MTOR: variants seen among roughly 807,000 people sequenced by gnomAD.
The protein encoded by MTOR is mechanistic target of rapamycin kinase.
In MTOR, 70 loss-of-function variants were observed where a neutral mutation model predicts 319.8. That is an observed-to-expected ratio of 0.22 (90% confidence interval 0.18 to 0.27). The LOEUF is 0.27. MTOR is among the 10% of genes least tolerant of loss of function. The probability of loss-of-function intolerance (pLI) is 1.00; values close to 1 mark genes in which losing one functional copy is unlikely to be tolerated. For missense variants in MTOR, 1,890 were observed against 3,274.4 expected (o/e 0.58, Z 10.32); for synonymous variants, 1,183 against 1,211.4 (o/e 0.98, Z 0.49).
chr1:11,170,312 T>A (rs568169362), intron 28 of MTOR, among the ~76,000 whole-genome samples: 1 of 152,198 alleles, frequency 6.6e-6, no homozygotes, highest in African/African-American at 2.4e-5. Flanking sequence ...TTGTGCCCAA[T>A]CACATGGGGC....
chr1:11,161,874 C>T lies in MTOR; in HGVS notation c.4330-4583G>A, dbSNP rs375208362. On this transcript the variant is annotated intron_variant, in intron 29 of 57. Transcript: ENST00000361445. ...AAGCTGAACATTCTTAAAATAAGAG[C>T]GCCTCTTCCCCTCCAAAGGAACGCA... 1.8e-4 allele frequency among the ~76,000 whole-genome samples: 27 copies of T among 152,230 alleles called. No individual in the cohort carries two copies. In the East Asian group the frequency reaches 3.9e-3, roughly 22 times the overall value.
intron 11 of MTOR, among the ~76,000 whole-genome samples, chr1:11,239,518 A>C (rs1647694030): frequency 6.6e-6 from 1 of 152,178 alleles, no homozygotes; most frequent in South Asian, 2.1e-4. Context: ...TTAAATTTCA[A>C]AAGTATCAAC....
chr1:11,131,982 A>G (rs1488648969), intron 38 of MTOR: 1 of 152,244 alleles, frequency 6.6e-6, no homozygotes, highest in Non-Finnish European at 1.5e-5. Context: ...TTCACTGAAT[A>G]TCTCTTGTGT....
chr1:11,155,196 TATG>T (rs988792162), intron 30 of MTOR, among the ~76,000 whole-genome samples: 1 of 152,214 alleles, frequency 6.6e-6, no homozygotes, highest in African/African-American at 2.4e-5. Flanking sequence ...GATTTATTGA[TATG>T]ATGAAATATC....
chr1:11,128,202 T>C lies in MTOR; in HGVS notation c.5911-76A>G. 1.3e-6 allele frequency: 2 copies of C among 1,574,556 alleles called. No individual in the cohort carries two copies. Among genetic ancestry groups the C allele is most frequent in the Non-Finnish European group, 1.7e-6 (2 of 1,155,812 alleles). ...GAGCTGGTATGAATTTTAAGGAGAATAACAAAACAAGTGGTGAGTGTGACA... is the reference window on the plus strand; with the variant it reads ...GAGCTGGTATGAATTTTAAGGAGAACAACAAAACAAGTGGTGAGTGTGACA... On this transcript the variant is annotated intron_variant, in intron 42 of 57. Transcript: ENST00000361445. The surrounding 1 kb of genome is among the most constrained non-coding windows in gnomAD (Gnocchi z 5.3).
chr1:11,128,907 T>A lies in MTOR; in HGVS notation c.5759A>T (p.Asn1920Ile). 1 of 1,614,006 alleles carries A rather than the reference T, an allele frequency of 6.2e-7. No individual in the cohort carries two copies. Among genetic ancestry groups the A allele is most frequent in the Non-Finnish European group, 8.5e-7 (1 of 1,179,964 alleles). ...WFDYGHWPDV[N>I]EALVEGVKAI... ...TTTCACCCCCTCCACTAAGGCCTCA[T>A]TGACATCTGGCCAGTGACCATAATC... is the stretch of plus-strand genomic sequence containing the variant. Residue 1920 changes from asparagine to isoleucine, a missense_variant, in exon 41 of 58, where the codon AAT (asparagine) becomes ATT (isoleucine). Asn to Ile is a moderately radical substitution (Grantham distance 149). This residue lies in a region of MTOR where 249 missense variants were observed against 596.2 expected (regional missense o/e 0.42). Coordinates refer to ENST00000361445, the MANE Select transcript of MTOR (RefSeq NM_004958.4). The surrounding 1 kb of genome is among the most constrained non-coding windows in gnomAD (Gnocchi z 5.3).
chr1:11,165,672 A>G (rs1335429122), intron 29 of MTOR, among the ~76,000 whole-genome samples: 1 of 152,276 alleles, frequency 6.6e-6, no homozygotes, highest in African/African-American at 2.4e-5. Context: ...ATACTGCCCA[A>G]GGTAATTTAT....
At position 11,259,254 on chromosome 1, in the gene MTOR, G is replaced by A; in HGVS notation, c.156C>T (p.Leu52=). The A allele has an allele frequency of 6.2e-7, 1 of 1,613,626 alleles. No individual in the cohort carries two copies. Among genetic ancestry groups the A allele is most frequent in the Non-Finnish European group, 8.5e-7 (1 of 1,179,794 alleles). ...CCCCAGATCCCAGAAGCACCTCTCG[G>A]AGTTCCATGGTGACATAGTGCTGGA... ...KELQHYVTME[L]REMSQEESTR... Residue 52 remains leucine, a synonymous_variant, in exon 2 of 58, where the codon CTC becomes CTT. Transcript: ENST00000361445.
At chr1:11,155,531 T>A (rs1162748701) in intron 30 of MTOR, among the ~76,000 whole-genome samples, 2 of 152,196 alleles carry the variant, frequency 1.3e-5, no homozygotes, top group Non-Finnish European at 2.9e-5. Flanking sequence ...ATGTGAGAGA[T>A]GCCTTCCCTA....
intron 28 of MTOR, chr1:11,189,407 C>T: frequency 1.2e-6 from 1 of 824,864 alleles, no homozygotes; most frequent in Admixed American, 2.5e-5. Context: ...GTCAGAGACT[C>T]AAGCTTTGAG....
intron 11 of MTOR, 145 bp from the exon 12 acceptor site, chr1:11,238,762 T>G: frequency 5.0e-6 from 3 of 605,802 alleles, no homozygotes; most frequent in Non-Finnish European, 5.5e-6. Flanking sequence ...GACCCGGAAC[T>G]CTTCTTTTTT....
chr1:11,135,713 A>G lies in MTOR; in HGVS notation c.5131-1247T>C, dbSNP rs186398992. Among the ~76,000 whole-genome samples the G allele has an allele frequency of 7.7e-3, 1,175 of 151,710 alleles. 20 individuals are homozygous for G. The highest frequency in any genetic ancestry group is 0.027 in the African/African-American group (1,109 of 41,366). On this transcript the variant is annotated intron_variant, in intron 36 of 57. Coordinates refer to ENST00000361445, the MANE Select transcript of MTOR (RefSeq NM_004958.4). ...CCGGGCGTGGTGGGGCGCGCCTGTA[A>G]TCCCAGCTATTTGGGAGGCTGAGGC...
intron 28 of MTOR, among the ~76,000 whole-genome samples, chr1:11,188,131 T>C (rs1488928503): frequency 6.6e-6 from 1 of 152,234 alleles, no homozygotes; most frequent in East Asian, 1.9e-4. Context: ...GGACCCACGC[T>C]GACTACAACA....
intron 28 of MTOR, chr1:11,195,187 A>AACAT: frequency 1.3e-6 from 1 of 759,578 alleles, no homozygotes; most frequent in Non-Finnish European, 2.1e-6. Flanking sequence ...AATCATATGT[A>AACAT]CCAAGGATGT....
intron 6 of MTOR, among the ~76,000 whole-genome samples, chr1:11,250,358 G>A (rs1359325471): frequency 6.6e-6 from 1 of 152,170 alleles, no homozygotes; most frequent in Non-Finnish European, 1.5e-5. Flanking sequence ...GGGCAGAGGC[G>A]CCCCTCAACC....
intron 8 of MTOR, among the ~76,000 whole-genome samples, chr1:11,247,312 G>A (rs1028414991): frequency 1.3e-5 from 2 of 152,166 alleles, no homozygotes; most frequent in African/African-American, 4.8e-5. Flanking sequence ...AAGCTTTGAC[G>A]TAGATGCTGC....
At position 11,262,082 on chromosome 1, in the gene MTOR, G is replaced by T. The variant is rs72633729; in HGVS notation, c.-15+363C>A. ...AGAGGTGTCCACAGTGGAGGACAAGGGGCTGACACGGACGCTAGTGTTCCC... is the reference window on the plus strand; with the variant it reads ...AGAGGTGTCCACAGTGGAGGACAAGTGGCTGACACGGACGCTAGTGTTCCC... On this transcript the variant is annotated intron_variant, in intron 1 of 57. Transcript: ENST00000361445. Among the ~76,000 whole-genome samples, 1,132 of 152,318 alleles carry T rather than the reference G, an allele frequency of 7.4e-3. 5 individuals are homozygous for T. The highest frequency in any genetic ancestry group is 0.02 in the Middle Eastern group (6 of 294).
Position 11,248,526 on chromosome 1 carries a change from T to C in MTOR, c.841-432A>G, listed in dbSNP as rs115919450. Among the ~76,000 whole-genome samples the C allele has an allele frequency of 6.1e-3, 926 of 152,302 alleles. 11 individuals are homozygous for C. Among genetic ancestry groups the C allele is most frequent in the African/African-American group, 0.021 (869 of 41,576 alleles). On this transcript the variant is annotated intron_variant, in intron 6 of 57. Transcript: ENST00000361445. ...CCCTAGAAACCCAGGTAAAAACTTA[T>C]GCAGGCCAGGCGTGGTGGCTCATGC... is the stretch of plus-strand genomic sequence containing the variant.
chr1:11,231,605 G>T (rs1446828485), intron 16 of MTOR, among the ~76,000 whole-genome samples, 171 bp from the exon 17 acceptor site: 1 of 152,174 alleles, frequency 6.6e-6, no homozygotes, highest in African/African-American at 2.4e-5. Flanking sequence ...TAAAACCAAG[G>T]TTGATCAAGC....
Sources: allele counts gnomAD v4.1 joint callset (sites outside exome capture counted in the v4.1 genomes callset), GRCh38; gene constraint gnomAD v4.1.1; regional missense constraint gnomAD v4.1.1; non-coding constraint Gnocchi (gnomAD v3.1); transcripts MANE v1.5; gene names NCBI Gene and HGNC (gene_info 2026-07-23, HGNC 2026-07-21).